The following RBM20 variants were observed in gnomAD, a reference collection of about 807,000 sequenced individuals.
The protein encoded by RBM20 is RNA-binding protein 20.
RBM20 carries 51 observed loss-of-function variants against 110.1 expected under a neutral mutation model. That is an observed-to-expected ratio of 0.46 (90% CI 0.37 to 0.59). RBM20 has a LOEUF of 0.59. RBM20 is among the 20% of genes least tolerant of loss of function. The pLI, the probability that RBM20 is intolerant of heterozygous loss-of-function variation, is 0.00. For synonymous variants in RBM20, 589 were observed against 618.2 expected (o/e 0.95, Z 0.70); for missense variants, 1,512 against 1,574.9 (o/e 0.96, Z 0.68).
intron 1 of RBM20, among the ~76,000 whole-genome samples, chr10:110,716,170 C>A (rs2134922191): frequency 6.6e-6 from 1 of 152,294 alleles, no homozygotes; most frequent in Non-Finnish European, 1.5e-5. Context: ...AGGTCTTGGT[C>A]TTTTCTCTTT....
intron 1 of RBM20, among the ~76,000 whole-genome samples, chr10:110,764,064 T>C (rs75579086): frequency 2.0e-5 from 3 of 152,288 alleles, no homozygotes; most frequent in East Asian, 1.9e-4. Flanking sequence ...CTGAAAGGTA[T>C]TGCAGTTACC....
intron 5 of RBM20, among the ~76,000 whole-genome samples, chr10:110,789,805 G>C (rs1359747566): frequency 2.0e-5 from 3 of 152,154 alleles, no homozygotes; most frequent in Non-Finnish European, 2.9e-5. Context: ...TTTCACTTAA[G>C]CTCCTGCCAT....
Position 110,835,922 on chromosome 10 carries a change from A to G in RBM20, c.3628A>G (p.Ser1210Gly). The stretch of plus-strand genomic sequence containing the variant: ...CCTCAAGGAGACCGAGGGGGCAGAT[A>G]GCCCGAGGCCAGAGGACAGCGGAAT... ...EGLKETEGAD[S>G]PRPEDSGIVP... The change falls in exon 14 of 14, where the codon AGC becomes GGC. Residue 1210 changes from serine (S) to glycine (G), a missense_variant. Physicochemically the swap from Ser to Gly is moderately conservative, Grantham distance 56. Around this residue, in one of 3 missense-constraint regions of RBM20, gnomAD observed 358 missense variants for 384.2 expected, o/e 0.93. Transcript: ENST00000369519. 2 of 1,513,750 alleles carry G rather than the reference A, an allele frequency of 1.3e-6. No individual in the cohort carries two copies. Among genetic ancestry groups the G allele is most frequent in the Non-Finnish European group, 1.8e-6 (2 of 1,112,964 alleles). 93.8% of individuals were successfully genotyped at this position (1,513,750 alleles called of 1,614,324 possible).
rs2135048193 is a variant in RBM20, at chr10:110,783,422, T to C, written c.1332T>C (p.Ser444=). The change falls in exon 3 of 14, where the codon TCT becomes TCC. Residue 444 remains serine (S), a synonymous_variant. Coordinates refer to ENST00000369519, the MANE Select transcript of RBM20 (RefSeq NM_001134363.3). ...ACGCTCAGAAATGCCTGGTCTTCTC[T>C]GAAAAGTAAGTGCTGTTCAGGAGGA... ...KLHAQKCLVF[S]ENAGIRCILG... The C allele has an allele frequency of 6.4e-7, 1 of 1,550,580 alleles. No homozygotes were observed. The highest frequency in any genetic ancestry group is 1.2e-5 in the South Asian group (1 of 83,996).
intron 1 of RBM20, among the ~76,000 whole-genome samples, chr10:110,721,095 T>C (rs1843499589): frequency 6.6e-6 from 1 of 152,202 alleles, no homozygotes; most frequent in Non-Finnish European, 1.5e-5. Flanking sequence ...TGGAGAGGCC[T>C]TCCCTGGCCC....
At position 110,644,681 on chromosome 10, in the gene RBM20, G is replaced by A. The variant is rs776778069; in HGVS notation, c.191+36G>A. On this transcript the variant is annotated intron_variant, in intron 1 of 13. Transcript: ENST00000369519. This position sits in a 1 kb window ranked among gnomAD's most constrained non-coding sequence, Gnocchi z 4.3. ...AGAAGGGAACAGGGACCACGGGTGC[G>A]CCTGGGGACACGCCCCGAGAGCCCC... 2.9e-5 allele frequency: 41 copies of A among 1,403,918 alleles called. No individual in the cohort carries two copies. Among genetic ancestry groups the A allele is most frequent in the African/African-American group, 4.5e-5 (3 of 66,574 alleles). The allele number at this position is 1,403,918 out of a possible 1,614,324, so 87.0% of individuals were successfully genotyped here. A position where few individuals can be genotyped will look rare whatever the true frequency, so the allele number is the denominator to read the frequency against.
chr10:110,801,745 C>A (rs962823517), intron 7 of RBM20, among the ~76,000 whole-genome samples: 11 of 141,520 alleles, frequency 7.8e-5, no homozygotes, highest in Non-Finnish European at 9.0e-5. Context: ...CAGGGTTTCG[C>A]CATATTGGCC....
chr10:110,650,719 G>A (rs1861934305), intron 1 of RBM20, among the ~76,000 whole-genome samples: 1 of 152,164 alleles, frequency 6.6e-6, no homozygotes, highest in Non-Finnish European at 1.5e-5. Flanking sequence ...TCCAATTGCT[G>A]CTGTCTGGAC....
At chr10:110,668,910 C>T (rs912148386) in intron 1 of RBM20, among the ~76,000 whole-genome samples, 1 of 151,142 alleles carries the variant, frequency 6.6e-6, no homozygotes, top group Non-Finnish European at 1.5e-5. Flanking sequence ...ACCAAAAAAC[C>T]TACTGATCAT....
At chr10:110,645,676 G>A (rs1223629164) in intron 1 of RBM20, among the ~76,000 whole-genome samples, 1 of 152,196 alleles carries the variant, frequency 6.6e-6, no homozygotes, top group African/African-American at 2.4e-5. Context: ...GTAAATAGCA[G>A]TTAAGTATTT....
chr10:110,783,989 T>C (rs948114391), intron 3 of RBM20, among the ~76,000 whole-genome samples: 1 of 152,268 alleles, frequency 6.6e-6, no homozygotes, highest in Non-Finnish European at 1.5e-5. Flanking sequence ...AATGGAATCA[T>C]ATGATATGTG....
chr10:110,715,988 C>T (rs1863010257), intron 1 of RBM20, among the ~76,000 whole-genome samples: 1 of 152,206 alleles, frequency 6.6e-6, no homozygotes. Context: ...TCTCCACAAG[C>T]TTTTGATTAT....
chr10:110,707,936 A>G (rs10885023), intron 1 of RBM20, among the ~76,000 whole-genome samples: 46,320 of 152,176 alleles, frequency 0.3, 7,168 homozygotes, highest in East Asian at 0.32. Flanking sequence ...TGACAAATGC[A>G]TGAGTTACCT....
intron 1 of RBM20, among the ~76,000 whole-genome samples, chr10:110,741,849 C>T (rs553264377): frequency 6.6e-6 from 1 of 152,240 alleles, no homozygotes; most frequent in South Asian, 2.1e-4. Context: ...TGCAGTACCT[C>T]TTCCAGGATC....
intron 1 of RBM20, among the ~76,000 whole-genome samples, chr10:110,710,963 G>C (rs1046404627): frequency 6.6e-6 from 1 of 152,112 alleles, no homozygotes; most frequent in African/African-American, 2.4e-5. Context: ...CCCTAGAAGG[G>C]AATCCGGATT....
intron 1 of RBM20, among the ~76,000 whole-genome samples, chr10:110,729,008 T>C (rs2134947521): frequency 6.6e-6 from 1 of 152,350 alleles, no homozygotes; most frequent in East Asian, 1.9e-4. Flanking sequence ...GTCAGAATCA[T>C]GTGAACTGAA....
At position 110,831,102 on chromosome 10, in the gene RBM20, C is replaced by T. The variant is rs1309952731; in HGVS notation, c.3493C>T (p.Leu1165=). Reference sequence around the variant, plus strand: ...TCCCAGGACTGGCTTTTATTGCAAGCTGTGTGGGCTGTTCTACACGAGCGA... The same window carrying T: ...TCCCAGGACTGGCTTTTATTGCAAGTTGTGTGGGCTGTTCTACACGAGCGA... ...VVPRTGFYCK[L]CGLFYTSEET... is the part of the protein sequence containing the mutation. The change falls in exon 13 of 14, where the codon CTG becomes TTG. Residue 1165 remains leucine, a synonymous_variant. Coordinates refer to ENST00000369519, the MANE Select transcript of RBM20 (RefSeq NM_001134363.3). The T allele has an allele frequency of 3.2e-6, 5 of 1,551,380 alleles. No homozygotes were observed. The highest frequency in any genetic ancestry group is 1.2e-5 in the South Asian group (1 of 84,064).
chr10:110,755,464 A>G (rs1229254469), intron 1 of RBM20, among the ~76,000 whole-genome samples: 1 of 152,242 alleles, frequency 6.6e-6, no homozygotes. Context: ...CTGAGGGCTC[A>G]TCCAATAATT....
chr10:110,758,023 T>TTTTTTTTG (rs1843944154), intron 1 of RBM20, among the ~76,000 whole-genome samples: 1 of 130,062 alleles, frequency 7.7e-6, no homozygotes, highest in Non-Finnish European at 1.7e-5. Context: ...TCTTTTTTTT[T>TTTTTTTTG]TTTTTTTTTT....
Sources: allele counts gnomAD v4.1 joint callset (sites outside exome capture counted in the v4.1 genomes callset), GRCh38; gene constraint gnomAD v4.1.1; regional missense constraint gnomAD v4.1.1; non-coding constraint Gnocchi (gnomAD v3.1); transcripts MANE v1.5; gene names NCBI Gene and HGNC (gene_info 2026-07-23, HGNC 2026-07-21).